Variants in FKBP3 observed in about 807,000 individuals in gnomAD.
The protein encoded by FKBP3 is peptidyl-prolyl cis-trans isomerase FKBP3.
Under a neutral mutation model 30.6 loss-of-function variants are expected in FKBP3, and 21 were observed. The ratio of observed to expected loss-of-function variants is 0.69; its 90% CI spans 0.49 to 0.99. FKBP3 has a LOEUF of 0.99. Among genes scored for constraint, FKBP3 ranks in the 50% least tolerant of loss-of-function variants. The probability of loss-of-function intolerance (pLI) is 0.00; values close to 1 mark genes in which losing one functional copy is unlikely to be tolerated. For synonymous variants in FKBP3, 82 were observed against 91.3 expected (o/e 0.90, Z 0.58); for missense variants, 283 against 261.6 (o/e 1.08, Z -0.56).
intron 3 of FKBP3, among the ~76,000 whole-genome samples, chr14:45,123,179 T>TAAAA (rs35440697): frequency 8.1e-6 from 1 of 123,166 alleles, no homozygotes. Flanking sequence ...AGGCTCCATC[T>TAAAA]AAAAAAAAAA....
intron 3 of FKBP3, among the ~76,000 whole-genome samples, chr14:45,122,709 T>G (rs1885011635): frequency 6.6e-6 from 1 of 151,944 alleles, no homozygotes; most frequent in African/African-American, 2.4e-5. Context: ...TTCACCATGT[T>G]GGCCAGGATG....
rs2139074737 is a variant in FKBP3 at position 45,117,616 on chromosome 14, C to A, written c.620+412G>T. 2.0e-5 allele frequency among the ~76,000 whole-genome samples: 3 copies of A among 152,244 alleles called. No individual in the cohort carries two copies. In the Middle Eastern group the frequency reaches 0.01, roughly 521 times the overall value. On this transcript the variant is annotated intron_variant, in intron 6 of 6. Transcript: ENST00000396062. ...AACTGGTAATCTCCCACATCTATTC[C>A]ATTTCTAAGCTTTGAATTTAATTGC... is the stretch of plus-strand genomic sequence containing the variant.
intron 6 of FKBP3, 134 bp from the exon 7 acceptor site, chr14:45,116,386 C>T: frequency 3.4e-6 from 2 of 589,614 alleles, no homozygotes; most frequent in Non-Finnish European, 6.3e-6. Context: ...TACCTGGATG[C>T]TTTACAAGTA....
intron 5 of FKBP3, among the ~76,000 whole-genome samples, chr14:45,120,583 A>G (rs1183278918): frequency 6.6e-6 from 1 of 152,222 alleles, no homozygotes. Context: ...ATGAAGAAAA[A>G]TAATAAAATG....
At chr14:45,116,480 C>CAA (rs1241076121) in intron 6 of FKBP3, among the ~76,000 whole-genome samples, 7 of 149,348 alleles carry the variant, frequency 4.7e-5, no homozygotes, top group African/African-American at 1.7e-4. Context: ...GGGGGTGGAA[C>CAA]AAAAAAAATA....
intron 6 of FKBP3, among the ~76,000 whole-genome samples, chr14:45,116,575 G>A (rs1014224474): frequency 1.3e-5 from 2 of 152,014 alleles, no homozygotes; most frequent in African/African-American, 4.8e-5. Flanking sequence ...TAAGTTCAAG[G>A]CCAGGTACGG....
At position 45,121,525 on chromosome 14, in the gene FKBP3, T is replaced by C; in HGVS notation, c.414A>G (p.Thr138=). The part of the protein sequence containing the change: ...GDVVHCWYTG[T]LQDGTVFDTN... ...TATCAAAAACAGTCCCATCTTGTAGTGTTCCTGTATACCAGCAGTGAACAA... is the reference window on the plus strand; with the variant it reads ...TATCAAAAACAGTCCCATCTTGTAGCGTTCCTGTATACCAGCAGTGAACAA... The change falls in exon 4 of 7, where the codon ACA becomes ACG. Residue 138 remains threonine, a synonymous_variant. Coordinates refer to ENST00000396062, the MANE Select transcript of FKBP3 (RefSeq NM_002013.4). The C allele has an allele frequency of 6.2e-7, 1 of 1,613,662 alleles. No homozygotes were observed. The highest frequency in any genetic ancestry group is 8.5e-7 in the Non-Finnish European group (1 of 1,179,692).
chr14:45,129,385 T>C (rs1885167235), intron 3 of FKBP3, among the ~76,000 whole-genome samples: 1 of 152,172 alleles, frequency 6.6e-6, no homozygotes, highest in Admixed American at 6.5e-5. Flanking sequence ...TGAACCCACA[T>C]CCTGCAGCCA....
rs950769155 is a variant in FKBP3 at position 45,117,975 on chromosome 14, A to G, written c.620+53T>C. 17 of 1,293,004 alleles carry G rather than the reference A, an allele frequency of 1.3e-5. No individual in the cohort carries two copies. The African/African-American group carries it at 2.4e-4, about 18-fold the overall frequency. The allele number at this position is 1,293,004 out of a possible 1,614,324, so 80.1% of individuals were successfully genotyped here. ...AGCATCTTTCACATCCTCAAAGGTGATCTAGACGTTTTTTTTTTTTCAACT... is the reference window on the plus strand; with the variant it reads ...AGCATCTTTCACATCCTCAAAGGTGGTCTAGACGTTTTTTTTTTTTCAACT... On this transcript the variant is annotated intron_variant, in intron 6 of 6. Transcript: ENST00000396062.
At position 45,118,190 on chromosome 14, in the gene FKBP3, G is replaced by C. The variant is rs886653638; in HGVS notation, c.523-65C>G. The C allele has an allele frequency of 2.8e-5, 24 of 872,210 alleles. No homozygotes were observed. The African/African-American group carries it at 3.6e-4, about 13-fold the overall frequency. The allele number at this position is 872,210 out of a possible 1,614,324, so 54.0% of individuals were successfully genotyped here. Reference sequence around the variant, plus strand: ...AAAAAGCACATGCAATACCAGGACAGTCAAGACAAGATTGTATGTTAAAAC... The same window carrying C: ...AAAAAGCACATGCAATACCAGGACACTCAAGACAAGATTGTATGTTAAAAC... On this transcript the variant is annotated intron_variant, in intron 5 of 6. Coordinates refer to ENST00000396062, the MANE Select transcript of FKBP3 (RefSeq NM_002013.4).
At chr14:45,120,761 C>A in intron 5 of FKBP3, 126 bp downstream of exon 5, 2 of 725,268 alleles carry the variant, frequency 2.8e-6, no homozygotes, top group Non-Finnish European at 4.7e-6. Context: ...AATGATTATA[C>A]CCAATCTGTC....
intron 3 of FKBP3, among the ~76,000 whole-genome samples, chr14:45,128,697 A>G (rs1451182860): frequency 6.6e-6 from 1 of 152,222 alleles, no homozygotes; most frequent in Non-Finnish European, 1.5e-5. Context: ...CAGTTAAACG[A>G]AGAGGTTTTA....
intron 6 of FKBP3, among the ~76,000 whole-genome samples, chr14:45,117,411 A>G (rs886923259): frequency 6.6e-6 from 1 of 152,232 alleles, no homozygotes; most frequent in Non-Finnish European, 1.5e-5. Flanking sequence ...GGAACCAACA[A>G]AAGCCATAAA....
intron 3 of FKBP3, among the ~76,000 whole-genome samples, chr14:45,128,075 G>C (rs1033621479): frequency 6.6e-6 from 1 of 152,200 alleles, no homozygotes; most frequent in Non-Finnish European, 1.5e-5. Flanking sequence ...AGTGGCTCAC[G>C]CCTGTAATCC....
At chr14:45,126,375 C>A (rs1200295714) in intron 3 of FKBP3, among the ~76,000 whole-genome samples, 1 of 151,962 alleles carries the variant, frequency 6.6e-6, no homozygotes, top group African/African-American at 2.4e-5. Context: ...GTAATCCCAG[C>A]TACTCAGGAG....
intron 5 of FKBP3, among the ~76,000 whole-genome samples, chr14:45,118,567 G>T (rs2139075859): frequency 6.6e-6 from 1 of 152,136 alleles, no homozygotes; most frequent in South Asian, 2.1e-4. Flanking sequence ...GAAGGTGGAG[G>T]TTGCAGTGAG....
At chr14:45,128,724 T>C (rs1221721770) in intron 3 of FKBP3, among the ~76,000 whole-genome samples, 1 of 152,204 alleles carries the variant, frequency 6.6e-6, no homozygotes, top group Non-Finnish European at 1.5e-5. Flanking sequence ...ATGATAGAGT[T>C]TAGGACCCTC....
rs1283346284 is a variant in FKBP3, at chr14:45,127,533, C to T, written c.318+2261G>A. 1.3e-4 allele frequency among the ~76,000 whole-genome samples: 20 copies of T among 152,232 alleles called. 2 individuals carry two copies. In the East Asian group the frequency reaches 3.9e-3, roughly 30 times the overall value. ...CAATAAGTAATCAATATAAAAAATA[C>T]TGAGATATTTTACATTCTTTTTTAA... On this transcript the variant is annotated intron_variant, in intron 3 of 6. Transcript: ENST00000396062.
intron 6 of FKBP3, among the ~76,000 whole-genome samples, chr14:45,117,805 A>G (rs1038626448): frequency 3.9e-5 from 6 of 152,216 alleles, no homozygotes; most frequent in African/African-American, 1.4e-4. Flanking sequence ...AAGAATTTGA[A>G]TAAGAGAAAC....
Sources: allele counts gnomAD v4.1 joint callset (sites outside exome capture counted in the v4.1 genomes callset), GRCh38; gene constraint gnomAD v4.1.1; transcripts MANE v1.5; gene names NCBI Gene and HGNC (gene_info 2026-07-23, HGNC 2026-07-21).